Variants in SLC4A10 observed in about 807,000 individuals in gnomAD.
The protein encoded by SLC4A10 is solute carrier family 4 member 10.
SLC4A10 carries 42 observed loss-of-function variants against 137.7 expected under a neutral mutation model. The observed-to-expected ratio is 0.30, with a 90% CI of 0.24 to 0.39. SLC4A10 has a LOEUF of 0.39. SLC4A10 is among the 10% of genes least tolerant of loss of function. SLC4A10 has a pLI of 1.00. For synonymous variants in SLC4A10, 474 were observed against 464.1 expected (o/e 1.02, Z -0.27); for missense variants, 925 against 1,355.0 (o/e 0.68, Z 4.98).
intron 1 of SLC4A10, among the ~76,000 whole-genome samples, chr2:161,695,100 A>G (rs2042359044): frequency 6.6e-6 from 1 of 152,066 alleles, no homozygotes; most frequent in Non-Finnish European, 1.5e-5. Flanking sequence ...TTGGAGTTCA[A>G]CAAAATATAG....
At chr2:161,730,247 C>T (rs1574622124) in intron 1 of SLC4A10, among the ~76,000 whole-genome samples, 1 of 152,046 alleles carries the variant, frequency 6.6e-6, no homozygotes, top group African/African-American at 2.4e-5. Flanking sequence ...TTAGGACTAA[C>T]AGTATTATCT....
intron 1 of SLC4A10, among the ~76,000 whole-genome samples, chr2:161,750,090 T>C (rs912731041): frequency 1.3e-5 from 2 of 151,820 alleles, no homozygotes; most frequent in African/African-American, 4.8e-5. Context: ...AGGTCTGTTA[T>C]AATGTCTTCT....
chr2:161,842,956 G>A (rs1217078187), intron 4 of SLC4A10, among the ~76,000 whole-genome samples: 1 of 152,172 alleles, frequency 6.6e-6, no homozygotes. Context: ...GAAGGAAGGC[G>A]ATCTGGTGAT....
chr2:161,678,482 A>G (rs1201494983), intron 1 of SLC4A10, among the ~76,000 whole-genome samples: 1 of 152,198 alleles, frequency 6.6e-6, no homozygotes, highest in Admixed American at 6.6e-5. Context: ...TTATTGAGCT[A>G]TAATATACAT....
chr2:161,839,698 TG>T, intron 3 of SLC4A10, 90 bp from the exon 4 acceptor site: 3 of 1,438,682 alleles, frequency 2.1e-6, no homozygotes, highest in South Asian at 2.6e-5. Flanking sequence ...GGTGCGAGCT[TG>T]GGGTGGTGCT....
chr2:161,888,844 G>C (rs2062607262), intron 10 of SLC4A10, among the ~76,000 whole-genome samples: 1 of 152,128 alleles, frequency 6.6e-6, no homozygotes, highest in African/African-American at 2.4e-5. Context: ...GGTGAGAGAG[G>C]GCATCCTTGT....
intron 18 of SLC4A10, among the ~76,000 whole-genome samples, chr2:161,949,581 G>T (rs1694425553): frequency 6.6e-6 from 1 of 152,036 alleles, no homozygotes; most frequent in Admixed American, 6.6e-5. Flanking sequence ...TATCTTGGCA[G>T]AATTGTACAG....
intron 1 of SLC4A10, among the ~76,000 whole-genome samples, chr2:161,660,286 A>C (rs2038115085): frequency 1.3e-5 from 2 of 152,262 alleles, no homozygotes; most frequent in African/African-American, 2.4e-5. Flanking sequence ...ATATTCTAGC[A>C]TTCTGCTGAA....
At chr2:161,965,258 T>G in intron 23 of SLC4A10, 85 bp downstream of exon 23, 1 of 1,394,178 alleles carries the variant, frequency 7.2e-7, no homozygotes, top group Admixed American at 2.3e-5. Context: ...TGTTTTTATC[T>G]TTAGACAGTT....
intron 1 of SLC4A10, among the ~76,000 whole-genome samples, chr2:161,660,499 C>A (rs1314018566): frequency 6.6e-6 from 1 of 151,970 alleles, no homozygotes; most frequent in African/African-American, 2.4e-5. Context: ...AATCATATAT[C>A]CTTTTGGATG....
rs188253467 is a variant in SLC4A10 at position 161,789,059 on chromosome 2, G to A, written c.131-15390G>A. Among the ~76,000 whole-genome samples the A allele has an allele frequency of 1.2e-3, 177 of 152,336 alleles. 1 individual carries two copies. The highest frequency in any genetic ancestry group is 5.0e-3 in the South Asian group (24 of 4,830). ...GGATCTTGTAGTGTGGCAACACAAG[G>A]ACTAAGGTTCCTTGGACAGGGCACT... is the stretch of plus-strand genomic sequence containing the variant. On this transcript the variant is annotated intron_variant, in intron 2 of 26. Coordinates refer to ENST00000446997, the MANE Select transcript of SLC4A10 (RefSeq NM_001178015.2).
intron 23 of SLC4A10, among the ~76,000 whole-genome samples, chr2:161,966,866 T>G (rs1697702248): frequency 6.6e-6 from 1 of 152,220 alleles, no homozygotes; most frequent in Non-Finnish European, 1.5e-5. Flanking sequence ...TGGCACAAGT[T>G]AAATTTAAAT....
intron 1 of SLC4A10, among the ~76,000 whole-genome samples, chr2:161,676,430 A>G (rs552317527): frequency 6.6e-6 from 1 of 152,152 alleles, no homozygotes; most frequent in South Asian, 2.1e-4. Context: ...CAAACTTCTC[A>G]TTTCTTTTTC....
chr2:161,639,524 A>T (rs978686444), intron 1 of SLC4A10, among the ~76,000 whole-genome samples: 1 of 152,140 alleles, frequency 6.6e-6, no homozygotes, highest in Non-Finnish European at 1.5e-5. Flanking sequence ...AACAGAAACC[A>T]TATGATCATC....
chr2:161,689,522 A>C (rs1205699884), intron 1 of SLC4A10, among the ~76,000 whole-genome samples: 1 of 152,208 alleles, frequency 6.6e-6, no homozygotes, highest in Non-Finnish European at 1.5e-5. Context: ...ATAGGTGTGT[A>C]GTAGGCTATC....
intron 15 of SLC4A10, among the ~76,000 whole-genome samples, chr2:161,917,848 A>G (rs1369930284): frequency 6.6e-6 from 1 of 152,204 alleles, no homozygotes; most frequent in Non-Finnish European, 1.5e-5. Flanking sequence ...TTCCTGGCAC[A>G]AAGTAGGTGT....
At chr2:161,700,435 AAAG>A (rs1319574997) in intron 1 of SLC4A10, among the ~76,000 whole-genome samples, 3 of 152,102 alleles carry the variant, frequency 2.0e-5, no homozygotes, top group Non-Finnish European at 2.9e-5. Flanking sequence ...TTGGATGTGG[AAAG>A]AAGAAGGAAC....
rs191027932 is a variant in SLC4A10, at chr2:161,816,103, C to A, written c.277+11508C>A. 7.4e-4 allele frequency among the ~76,000 whole-genome samples: 98 copies of A among 133,046 alleles called. No individual in the cohort carries two copies. The Middle Eastern group carries it at 0.012, about 16-fold the overall frequency. The allele number at this position is 133,046 out of a possible 152,430, so 87.3% of individuals were successfully genotyped here. A position where few individuals can be genotyped will look rare whatever the true frequency, so the allele number is the denominator to read the frequency against. On this transcript the variant is annotated intron_variant, in intron 3 of 26. Coordinates refer to ENST00000446997, the MANE Select transcript of SLC4A10 (RefSeq NM_001178015.2). ...CTCAGTCACACACAGAGACTTCAAC[C>A]AAACCCTAAACACCATCCTATCTGA...
At chr2:161,908,362 C>T (rs1684951171) in intron 15 of SLC4A10, among the ~76,000 whole-genome samples, 1 of 140,458 alleles carries the variant, frequency 7.1e-6, no homozygotes, top group South Asian at 2.2e-4. Context: ...CGCATGTTCT[C>T]ATTCATAGGT....
Sources: allele counts gnomAD v4.1 joint callset (sites outside exome capture counted in the v4.1 genomes callset), GRCh38; gene constraint gnomAD v4.1.1; transcripts MANE v1.5; gene names NCBI Gene and HGNC (gene_info 2026-07-23, HGNC 2026-07-21).